Variants in TLN1 observed in about 807,000 individuals in gnomAD.
TLN1 encodes the protein talin-1.
Under a neutral mutation model 292.3 loss-of-function variants are expected in TLN1, and 56 were observed. The ratio of observed to expected loss-of-function variants is 0.19; its 90% CI spans 0.15 to 0.24. The LOEUF (loss-of-function observed/expected upper bound fraction) is 0.24. Among genes scored for constraint, TLN1 ranks in the 10% least tolerant of loss-of-function variants. The pLI, the probability that TLN1 is intolerant of heterozygous loss-of-function variation, is 1.00. For synonymous variants in TLN1, 1,119 were observed against 1,253.7 expected, an observed-to-expected ratio of 0.89 and a Z score of 2.27; for missense variants, 2,433 against 3,248.2, an observed-to-expected ratio of 0.75 and a Z score of 6.10.
chr9:35,705,478 G>C (rs1380721083), intron 43 of TLN1, 73 bp downstream of exon 43: 4 of 1,458,492 alleles, frequency 2.7e-6, no homozygotes, highest in African/African-American at 1.4e-5. Context: ...GAGGGTGGGG[G>C]TGGGACAGCC....
rs981427048 is a variant in TLN1 at position 35,724,498 on chromosome 9, T to A, written c.511+74A>T. 1.8e-5 allele frequency: 28 copies of A among 1,578,704 alleles called. No homozygotes were observed. Among genetic ancestry groups the A allele is most frequent in the Admixed American group, 9.0e-5 (5 of 55,626 alleles). On this transcript the variant is annotated intron_variant, in intron 5 of 56. Coordinates refer to ENST00000314888, the MANE Select transcript of TLN1 (RefSeq NM_006289.4). This position sits in a 1 kb window ranked among gnomAD's most constrained non-coding sequence, Gnocchi z 4.7. The stretch of plus-strand genomic sequence containing the variant: ...TATCCCCAGGGTGTAAAACAGTGCC[T>A]GGCAGAAGCAGATGCTGAAGCCCCT...
chr9:35,727,464 G>A (rs1382868740), intron 1 of TLN1, among the ~76,000 whole-genome samples: 1 of 152,160 alleles, frequency 6.6e-6, no homozygotes. Context: ...GACCATTTCT[G>A]ACCTTACAAG....
At chr9:35,703,484 T>C in intron 48 of TLN1, 76 bp downstream of exon 48, 1 of 1,330,902 alleles carries the variant, frequency 7.5e-7, no homozygotes, top group Non-Finnish European at 1.1e-6. Context: ...TGTGAGTATA[T>C]GTGTGGCACA....
At position 35,697,184 on chromosome 9, in the gene TLN1, C is replaced by T. The variant is rs1460305940; in HGVS notation, c.*607G>A. On this transcript the variant is annotated 3_prime_UTR_variant, in exon 57 of 57. Coordinates refer to ENST00000314888, the MANE Select transcript of TLN1 (RefSeq NM_006289.4). ...CTTCCCCATTGGATAACTTTAGGGT[C>T]CGGGTGCAAGGAGGAAGGGACCTCA... 1 of 152,570 alleles carries T rather than the reference C, an allele frequency of 6.6e-6. No homozygotes were observed. The highest frequency in any genetic ancestry group is 1.9e-4 in the East Asian group (1 of 5,176). The allele number at this position is 152,570 out of a possible 1,614,324, so 9.5% of individuals were successfully genotyped here.
At position 35,725,618 on chromosome 9, in the gene TLN1, T is replaced by A; in HGVS notation, c.77A>T (p.Tyr26Phe). Residue 26 changes from tyrosine to phenylalanine, a missense_variant, in exon 2 of 57, where the codon TAC becomes TTC. Tyr to Phe is a conservative substitution (Grantham distance 22). Coordinates refer to ENST00000314888, the MANE Select transcript of TLN1 (RefSeq NM_006289.4). Reference sequence around the variant, plus strand: ...CTCACGAATGATGCGGCAGGCGTCGTACACCATGGTAGACGGCTCAAACTG... The same window carrying A: ...CTCACGAATGATGCGGCAGGCGTCGAACACCATGGTAGACGGCTCAAACTG... ...TMQFEPSTMV[Y>F]DACRIIRERI... 1 of 1,613,916 alleles carries A rather than the reference T, an allele frequency of 6.2e-7. No homozygotes were observed.
At position 35,717,705 on chromosome 9, in the gene TLN1, T is replaced by C; in HGVS notation, c.2077A>G (p.Thr693Ala). ...VLKAKSVAQR[T>A]EDSGLQTQVI... The stretch of plus-strand genomic sequence containing the variant: ...TGGGTCTGAAGTCCCGAGTCCTCTG[T>C]CCGCTGGGCCACACTCTTGGCCTTG... The change falls in exon 18 of 57, where the codon ACA becomes GCA. Residue 693 changes from threonine (T) to alanine (A), a missense_variant. Transcript: ENST00000314888. The surrounding 1 kb of genome is among the most constrained non-coding windows in gnomAD (Gnocchi z 4.7). 6.2e-7 allele frequency: 1 copy of C among 1,614,026 alleles called. No homozygotes were observed. The highest frequency in any genetic ancestry group is 2.2e-5 in the East Asian group (1 of 44,880).
At chr9:35,727,180 AAG>A (rs1303371216) in intron 1 of TLN1, among the ~76,000 whole-genome samples, 1 of 152,088 alleles carries the variant, frequency 6.6e-6, no homozygotes, top group Non-Finnish European at 1.5e-5. Context: ...CCTCTTAACT[AAG>A]AGAATGGGCA....
Position 35,711,692 on chromosome 9 carries a change from C to T in TLN1, c.3782G>A (p.Arg1261Gln), listed in dbSNP as rs1825672054. The part of the protein sequence containing the change: ...QAATELVQAS[R>Q]GTPQDLARAS... ...TCGAGCCAGGTCCTGAGGGGTTCCC[C>T]GAGAGGCCTGCACCAGTTCTGTGGC... The change falls in exon 29 of 57, where the codon CGG becomes CAG. Residue 1261 changes from arginine to glutamine, a missense_variant. Arg to Gln is a conservative substitution (Grantham distance 43). Transcript: ENST00000314888. The T allele has an allele frequency of 1.2e-6, 2 of 1,614,192 alleles. No homozygotes were observed. The highest frequency in any genetic ancestry group is 1.7e-6 in the Non-Finnish European group (2 of 1,180,038).
intron 7 of TLN1, chr9:35,723,284 A>G (rs1043690175): frequency 4.2e-6 from 1 of 237,322 alleles, no homozygotes; most frequent in Non-Finnish European, 8.4e-6. Context: ...TATTTTTAGT[A>G]GAGATACATG....
intron 16 of TLN1, 51 bp from the exon 17 acceptor site, chr9:35,718,961 C>T: frequency 3.1e-6 from 5 of 1,602,488 alleles, no homozygotes; most frequent in Non-Finnish European, 3.4e-6. Context: ...GCCCACATGC[C>T]TGTGCATATC....
At position 35,708,454 on chromosome 9, in the gene TLN1, TGGG is replaced by T; in HGVS notation, c.4354_4356del (p.Pro1452del). Reference sequence around the variant, plus strand: ...AGCCCTTGCTGTCCAGCTTGGCTATTGGGGTCAGAGACACCAACCAGATATGCA... The same window carrying T: ...AGCCCTTGCTGTCCAGCTTGGCTATTGTCAGAGACACCAACCAGATATGCA... On this transcript the variant is annotated inframe_deletion, in exon 34 of 57. Coordinates refer to ENST00000314888, the MANE Select transcript of TLN1 (RefSeq NM_006289.4). The T allele has an allele frequency of 6.2e-7, 1 of 1,600,188 alleles. No individual in the cohort carries two copies. The highest frequency in any genetic ancestry group is 2.3e-5 in the East Asian group (1 of 44,048).
Position 35,709,391 on chromosome 9 carries a change from T to C in TLN1, c.4327-907A>G, listed in dbSNP as rs1177926128. 2.0e-5 allele frequency among the ~76,000 whole-genome samples: 3 copies of C among 152,024 alleles called. No homozygotes were observed. In the East Asian group the frequency reaches 5.8e-4, roughly 29 times the overall value. ...ATTCTGACAGGGCACAGGGAGGTGGTGGAGATGGAGGGCTAGGATGGTAGG... is the reference window on the plus strand; with the variant it reads ...ATTCTGACAGGGCACAGGGAGGTGGCGGAGATGGAGGGCTAGGATGGTAGG... On this transcript the variant is annotated intron_variant, in intron 33 of 56. Transcript: ENST00000314888.
In TLN1 at chr9:35,719,316, A is replaced by G; in HGVS notation, c.1688-34T>C. On this transcript the variant is annotated intron_variant, in intron 15 of 56. Coordinates refer to ENST00000314888, the MANE Select transcript of TLN1 (RefSeq NM_006289.4). This position sits in a 1 kb window ranked among gnomAD's most constrained non-coding sequence, Gnocchi z 4.6. ...AAAAGGAGAAAGAGGAACATGAGAG[A>G]CAGGGCAGGCCAGACGAAGGGCTGG... 6.3e-7 allele frequency: 1 copy of G among 1,598,078 alleles called. No homozygotes were observed. Among genetic ancestry groups the G allele is most frequent in the South Asian group, 1.1e-5 (1 of 89,942 alleles).
At chr9:35,718,553 G>A (rs1194262662) in intron 17 of TLN1, among the ~76,000 whole-genome samples, 1 of 152,114 alleles carries the variant, frequency 6.6e-6, no homozygotes, top group Non-Finnish European at 1.5e-5. Flanking sequence ...TATGTACGGG[G>A]AAGAGAGAGA....
chr9:35,722,302 C>T (rs145904673), intron 8 of TLN1, 79 bp from the exon 9 acceptor site: 190 of 1,254,348 alleles, frequency 1.5e-4, no homozygotes, highest in Middle Eastern at 9.2e-4. Flanking sequence ...CTAACTCTAA[C>T]GAGAGAGAAT....
rs1825388701 is a variant in TLN1, at chr9:35,697,575, G to T, written c.*216C>A. ...TTGGAGCGTTAATACTCTGGGGAGGGGCAGGCACTTGGGGGGCCCTAGGGC... is the reference window on the plus strand; with the variant it reads ...TTGGAGCGTTAATACTCTGGGGAGGTGCAGGCACTTGGGGGGCCCTAGGGC... On this transcript the variant is annotated 3_prime_UTR_variant, in exon 57 of 57. Transcript: ENST00000314888. 1.6e-6 allele frequency: 1 copy of T among 615,366 alleles called. No individual in the cohort carries two copies. The highest frequency in any genetic ancestry group is 2.8e-6 in the Non-Finnish European group (1 of 355,402). 38.1% of individuals were successfully genotyped at this position (615,366 alleles called of 1,614,324 possible). A position where few individuals can be genotyped will look rare whatever the true frequency, so the allele number is the denominator to read the frequency against.
rs1253766601 is a variant in TLN1 at position 35,709,308 on chromosome 9, CAAAA to C, written c.4327-828_4327-825del. ...GACTCCGTCTCAAAAAACAAACAAA[CAAAA>C]AACCAAAAAAACAAAAAAACAAAAT... is the stretch of plus-strand genomic sequence containing the variant. On this transcript the variant is annotated intron_variant, in intron 33 of 56. Coordinates refer to ENST00000314888, the MANE Select transcript of TLN1 (RefSeq NM_006289.4). 5.4e-5 allele frequency among the ~76,000 whole-genome samples: 8 copies of C among 146,974 alleles called. No individual in the cohort carries two copies. In the East Asian group the frequency reaches 1.6e-3, roughly 29 times the overall value.
intron 9 of TLN1, 135 bp downstream of exon 9, chr9:35,721,984 G>T: frequency 8.7e-7 from 1 of 1,146,346 alleles, no homozygotes; most frequent in Non-Finnish European, 1.3e-6. Flanking sequence ...TTTTCATGAG[G>T]TCAGAGCAAG....
chr9:35,697,921 G>A lies in TLN1; in HGVS notation c.7501-5C>T. ...TTCTTCCTGTGCTGCGATGATCTGA[G>A]GGTGGAGATCGGGGACTTAGTTCAG... On this transcript the variant is annotated splice_region_variant and splice_polypyrimidine_tract_variant and intron_variant, in intron 56 of 56. Coordinates refer to ENST00000314888, the MANE Select transcript of TLN1 (RefSeq NM_006289.4). 1 of 1,614,172 alleles carries A rather than the reference G, an allele frequency of 6.2e-7. No homozygotes were observed. Among genetic ancestry groups the A allele is most frequent in the Non-Finnish European group, 8.5e-7 (1 of 1,180,022 alleles).
Sources: allele counts gnomAD v4.1 joint callset (sites outside exome capture counted in the v4.1 genomes callset), GRCh38; gene constraint gnomAD v4.1.1; non-coding constraint Gnocchi (gnomAD v3.1); transcripts MANE v1.5; gene names NCBI Gene and HGNC (gene_info 2026-07-23, HGNC 2026-07-21).